Variants in HPSE2 observed in about 807,000 individuals in gnomAD.
The protein encoded by HPSE2 is inactive heparanase-2.
Under a neutral mutation model 60.5 loss-of-function variants are expected in HPSE2, and 38 were observed. The observed-to-expected ratio is 0.63, with a 90% CI of 0.48 to 0.82. HPSE2 has a LOEUF of 0.82. Among genes scored for constraint, HPSE2 ranks in the 40% least tolerant of loss-of-function variants. HPSE2 has a pLI of 0.00. For synonymous variants in HPSE2, 295 were observed against 293.2 expected (o/e 1.01, Z -0.06); for missense variants, 713 against 740.4 (o/e 0.96, Z 0.43).
intron 11 of HPSE2, among the ~76,000 whole-genome samples, chr10:98,470,021 G>A (rs973358984): frequency 2.0e-5 from 3 of 152,160 alleles, no homozygotes; most frequent in Admixed American, 1.3e-4. Flanking sequence ...TAATTGTGTG[G>A]AGCTGGAGGA....
At chr10:98,730,622 G>A (rs1949203429) in intron 4 of HPSE2, among the ~76,000 whole-genome samples, 1 of 150,980 alleles carries the variant, frequency 6.6e-6, no homozygotes, top group Non-Finnish European at 1.5e-5. Context: ...TACCAAAAGG[G>A]AACACCACTA....
intron 11 of HPSE2, among the ~76,000 whole-genome samples, chr10:98,464,738 T>C (rs968364088): frequency 2.0e-5 from 3 of 152,200 alleles, no homozygotes; most frequent in Admixed American, 6.5e-5. Context: ...TCTTCCTGGA[T>C]TGAGTTTCTC....
At chr10:98,962,786 AACAG>A (rs1337378762) in intron 3 of HPSE2, among the ~76,000 whole-genome samples, 1 of 150,722 alleles carries the variant, frequency 6.6e-6, no homozygotes, top group Non-Finnish European at 1.5e-5. Flanking sequence ...ATACACCAAC[AACAG>A]ACAAACAGAG....
At chr10:99,117,434 A>AAC (rs1564820914) in intron 3 of HPSE2, among the ~76,000 whole-genome samples, 8 of 135,352 alleles carry the variant, frequency 5.9e-5, no homozygotes, top group African/African-American at 2.0e-4. Flanking sequence ...AAAAAAAAAA[A>AAC]AAAAAAAAAA....
At chr10:98,841,808 A>ATTTT (rs373906376) in intron 3 of HPSE2, among the ~76,000 whole-genome samples, 2,801 of 143,244 alleles carry the variant, frequency 0.02, 92 homozygotes, top group East Asian at 0.16. Context: ...ATTCCTTGTA[A>ATTTT]TTTTTTTTTT....
chr10:99,043,433 G>A (rs1054295688), intron 3 of HPSE2, among the ~76,000 whole-genome samples: 2 of 152,172 alleles, frequency 1.3e-5, no homozygotes, highest in African/African-American at 4.8e-5. Flanking sequence ...GGAGCTTGCA[G>A]TGAGCTGAGA....
chr10:99,307,861 C>T, the HPSE2 span, among the ~76,000 whole-genome samples: 1 of 150,546 alleles, frequency 6.6e-6, no homozygotes. Flanking sequence ...CACACACACA[C>T]ACACACAAAT....
At chr10:98,954,908 T>C (rs1377355934) in intron 3 of HPSE2, among the ~76,000 whole-genome samples, 1 of 150,854 alleles carries the variant, frequency 6.6e-6, no homozygotes, top group Non-Finnish European at 1.5e-5. Context: ...AAAAAAACAC[T>C]TAGAAGTGAA....
At chr10:98,472,607 C>G (rs765079068) in intron 11 of HPSE2, among the ~76,000 whole-genome samples, 2 of 152,206 alleles carry the variant, frequency 1.3e-5, no homozygotes, top group Admixed American at 6.5e-5. Context: ...ACGTTATAGG[C>G]ACTGAGGCTC....
At chr10:98,974,268 G>A (rs748911389) in intron 3 of HPSE2, among the ~76,000 whole-genome samples, 6 of 151,850 alleles carry the variant, frequency 4.0e-5, no homozygotes, top group Admixed American at 6.6e-5. Context: ...CAGCCTGGGC[G>A]ACACAGAGTG....
At chr10:99,131,642 A>G (rs1018780720) in intron 3 of HPSE2, among the ~76,000 whole-genome samples, 3 of 152,194 alleles carry the variant, frequency 2.0e-5, no homozygotes, top group Admixed American at 2.0e-4. Context: ...TAACTCAGGG[A>G]TTGGAAAACC....
At chr10:99,016,495 GC>G (rs745626819) in intron 3 of HPSE2, among the ~76,000 whole-genome samples, 25 of 152,064 alleles carry the variant, frequency 1.6e-4, no homozygotes, top group Non-Finnish European at 2.9e-4. Flanking sequence ...GCTTAGGGTT[GC>G]CTTGGGTATT....
chr10:98,897,797 G>C (rs1953537109), intron 3 of HPSE2, among the ~76,000 whole-genome samples: 1 of 151,954 alleles, frequency 6.6e-6, no homozygotes, highest in East Asian at 1.9e-4. Flanking sequence ...ATGAGTTTTA[G>C]ATAAAACACC....
intron 3 of HPSE2, among the ~76,000 whole-genome samples, chr10:99,032,649 C>G (rs1957523618): frequency 6.6e-6 from 1 of 152,126 alleles, no homozygotes; most frequent in African/African-American, 2.4e-5. Context: ...ACAATACAAA[C>G]TGGTCTTATA....
chr10:99,157,579 T>C (rs61883602), intron 2 of HPSE2, among the ~76,000 whole-genome samples: 66,566 of 125,860 alleles, frequency 0.53, 21,970 homozygotes, highest in Non-Finnish European at 0.69. Context: ...ATCCCTTCCT[T>C]ATACCTTATA....
chr10:98,524,352 C>T (rs1942894269), intron 9 of HPSE2, among the ~76,000 whole-genome samples: 1 of 152,104 alleles, frequency 6.6e-6, no homozygotes, highest in Non-Finnish European at 1.5e-5. Context: ...TGGGGGACTT[C>T]AATGATGCTC....
At chr10:98,598,882 A>G (rs979656183) in intron 9 of HPSE2, among the ~76,000 whole-genome samples, 2 of 151,856 alleles carry the variant, frequency 1.3e-5, no homozygotes, top group African/African-American at 4.8e-5. Context: ...ACCTAGGGCT[A>G]CGGGGACTGG....
At chr10:98,806,153 C>T (rs1239508427) in intron 3 of HPSE2, among the ~76,000 whole-genome samples, 1 of 152,166 alleles carries the variant, frequency 6.6e-6, no homozygotes, top group African/African-American at 2.4e-5. Flanking sequence ...GCGCATACAT[C>T]AGGACAACTG....
At chr10:98,826,096 C>A (rs1015598269) in intron 3 of HPSE2, among the ~76,000 whole-genome samples, 18 of 152,130 alleles carry the variant, frequency 1.2e-4, no homozygotes, top group African/African-American at 3.6e-4. Context: ...TATCTATCAT[C>A]ATTTGATTTT....
Sources: gnomAD v4.1 joint callset for allele counts (sites outside exome capture counted in the v4.1 genomes callset) on GRCh38, gnomAD v4.1.1 for gene constraint, MANE v1.5 for transcripts, NCBI Gene and HGNC (gene_info 2026-07-23, HGNC 2026-07-21) for gene names.